The following MGAT4A variants were observed in gnomAD, a reference collection of about 807,000 sequenced individuals.
MGAT4A encodes the protein N-acetylglucosaminyltransferase IVa.
Under a neutral mutation model 74.1 loss-of-function variants are expected in MGAT4A, and 33 were observed. The observed-to-expected ratio is 0.45, with a 90% CI of 0.34 to 0.60. The LOEUF (loss-of-function observed/expected upper bound fraction) is 0.60. Among genes scored for constraint, MGAT4A ranks in the 20% least tolerant of loss-of-function variants. The pLI is 0.02. For synonymous variants in MGAT4A, 198 were observed against 210.4 expected (o/e 0.94, Z 0.51); for missense variants, 479 against 628.3 (o/e 0.76, Z 2.54).
chr2:98,679,400 C>T (rs1445922573), intron 2 of MGAT4A, among the ~76,000 whole-genome samples: 12 of 108,360 alleles, frequency 1.1e-4, no homozygotes, highest in Non-Finnish European at 2.0e-4. Flanking sequence ...AGCAAGACTC[C>T]GTCTCAAAAA....
At chr2:98,689,751 AG>A (rs1021381658) in intron 2 of MGAT4A, among the ~76,000 whole-genome samples, 3 of 152,198 alleles carry the variant, frequency 2.0e-5, no homozygotes, top group East Asian at 3.8e-4. Context: ...TGAGCATAGG[AG>A]GCAGAGGTTG....
chr2:98,707,427 T>A (rs895929531), intron 2 of MGAT4A, among the ~76,000 whole-genome samples: 10 of 152,178 alleles, frequency 6.6e-5, no homozygotes, highest in African/African-American at 2.4e-4. Flanking sequence ...TAAGTGCTCA[T>A]GCTCACAAAA....
At chr2:98,629,409 C>G (rs917666878) in intron 14 of MGAT4A, among the ~76,000 whole-genome samples, 29 of 152,280 alleles carry the variant, frequency 1.9e-4, no homozygotes, top group African/African-American at 7.0e-4. Context: ...ACTTGGGTAG[C>G]AGGTAGGTGC....
intron 2 of MGAT4A, among the ~76,000 whole-genome samples, chr2:98,715,192 C>T (rs1019102975): frequency 6.6e-6 from 1 of 151,772 alleles, no homozygotes; most frequent in Admixed American, 6.6e-5. Context: ...GTGGCGCATG[C>T]CTGTAATCCC....
intron 2 of MGAT4A, among the ~76,000 whole-genome samples, chr2:98,723,885 A>G (rs1187795516): frequency 1.3e-5 from 2 of 152,224 alleles, no homozygotes; most frequent in South Asian, 4.1e-4. Context: ...CCTGAATTCA[A>G]ACTTTAACTC....
At chr2:98,679,815 T>C (rs1307610761) in intron 2 of MGAT4A, among the ~76,000 whole-genome samples, 7 of 152,098 alleles carry the variant, frequency 4.6e-5, no homozygotes, top group Non-Finnish European at 1.5e-5. Flanking sequence ...GCACAAAGTG[T>C]ACAGTAGAAG....
At chr2:98,630,971 TG>T (rs1338662134) in intron 14 of MGAT4A, among the ~76,000 whole-genome samples, 1 of 152,188 alleles carries the variant, frequency 6.6e-6, no homozygotes, top group Non-Finnish European at 1.5e-5. Context: ...CCAGAGTGAC[TG>T]GAACCCCACA....
At chr2:98,635,625 T>C (rs1001829296) in intron 13 of MGAT4A, among the ~76,000 whole-genome samples, 1 of 152,172 alleles carries the variant, frequency 6.6e-6, no homozygotes, top group Non-Finnish European at 1.5e-5. Context: ...AATTAAATTG[T>C]GTATTAATTA....
intron 2 of MGAT4A, among the ~76,000 whole-genome samples, chr2:98,688,975 C>G (rs994055106): frequency 6.6e-6 from 1 of 151,884 alleles, no homozygotes; most frequent in South Asian, 2.1e-4. Context: ...TTTTATTGTC[C>G]TAAGAATTAC....
chr2:98,640,225 G>A lies in MGAT4A; in HGVS notation c.1024C>T (p.His342Tyr). The change falls in exon 11 of 16, where the codon CAT becomes TAT. Residue 342 changes from histidine (H) to tyrosine (Y), a missense_variant. Around this residue, in one of 3 missense-constraint regions of MGAT4A, gnomAD observed 236 missense variants for 308.2 expected, o/e 0.77. Coordinates refer to ENST00000393487, the MANE Select transcript of MGAT4A (RefSeq NM_012214.3). ...AGATTTGCTTTCTGTCTATCACAAT[G>A]TTTCTAAATATTAAAAAAAATCACG... The part of the protein sequence containing the change: ...KVCNPEKDAK[H>Y]CDRQKANLRI... 2 of 1,606,664 alleles carry A rather than the reference G, an allele frequency of 1.2e-6. No individual in the cohort carries two copies. The highest frequency in any genetic ancestry group is 1.1e-5 in the South Asian group (1 of 89,232).
chr2:98,711,293 C>T (rs1350311132), intron 2 of MGAT4A, among the ~76,000 whole-genome samples: 1 of 142,564 alleles, frequency 7.0e-6, no homozygotes, highest in Non-Finnish European at 1.5e-5. Flanking sequence ...ACCCAGACAA[C>T]AAGTAACCTA....
intron 14 of MGAT4A, among the ~76,000 whole-genome samples, chr2:98,633,295 G>T (rs1479999527): frequency 1.3e-5 from 2 of 152,170 alleles, no homozygotes; most frequent in African/African-American, 4.8e-5. Context: ...AAGCTGGCAG[G>T]AGAGTCCAGT....
At position 98,675,186 on chromosome 2, in the gene MGAT4A, G is replaced by A. The variant is rs761421071; in HGVS notation, c.263-11C>T. 3.2e-6 allele frequency: 5 copies of A among 1,560,098 alleles called. No homozygotes were observed. The African/African-American group carries it at 6.9e-5, about 22-fold the overall frequency. On this transcript the variant is annotated splice_polypyrimidine_tract_variant and intron_variant, in intron 3 of 15. Transcript: ENST00000393487. Reference sequence around the variant, plus strand: ...GCTTTAGGGTATTATCTGAAACACAGAAGTATAATTAATATACAAGAATTA... The same window carrying A: ...GCTTTAGGGTATTATCTGAAACACAAAAGTATAATTAATATACAAGAATTA...
rs1285388093 is a variant in MGAT4A at position 98,726,323 on chromosome 2, G to A, written c.10C>T (p.Arg4Cys). 8 of 1,613,414 alleles carry A rather than the reference G, an allele frequency of 5.0e-6. No individual in the cohort carries two copies. Among genetic ancestry groups the A allele is most frequent in the South Asian group, 3.3e-5 (3 of 91,014 alleles). MRL[R>C]NGTVATALAF... ...AAAGCAGTGGCTACAGTTCCATTGC[G>A]GAGCCTCATCTCATTTCACCATCAC... The change falls in exon 2 of 16, where the codon CGC (arginine) becomes TGC (cysteine). Residue 4 changes from arginine (R) to cysteine (C), a missense_variant. By Grantham distance (180) the Arg-to-Cys change is radical. Around this residue, in one of 3 missense-constraint regions of MGAT4A, gnomAD observed 205 missense variants for 232.7 expected, o/e 0.88. Transcript: ENST00000393487.
chr2:98,638,744 G>A (rs972126126), intron 12 of MGAT4A, among the ~76,000 whole-genome samples: 6 of 152,118 alleles, frequency 3.9e-5, no homozygotes, highest in Non-Finnish European at 5.9e-5. Context: ...ATTCCTCTTT[G>A]GAATCAGTTT....
intron 2 of MGAT4A, among the ~76,000 whole-genome samples, chr2:98,684,060 C>T (rs556707561): frequency 6.6e-6 from 1 of 152,306 alleles, no homozygotes; most frequent in East Asian, 1.9e-4. Flanking sequence ...GGAAAGCCAA[C>T]TCAGCTTTCT....
At chr2:98,691,982 A>C in intron 2 of MGAT4A, among the ~76,000 whole-genome samples, 1 of 152,360 alleles carries the variant, frequency 6.6e-6, no homozygotes, top group South Asian at 2.1e-4. Flanking sequence ...TATGAATATA[A>C]AAAACAAAAT....
intron 14 of MGAT4A, among the ~76,000 whole-genome samples, chr2:98,628,547 T>C (rs367713656): frequency 6.6e-6 from 1 of 152,346 alleles, no homozygotes; most frequent in Admixed American, 6.5e-5. Flanking sequence ...GAAATTCTGC[T>C]GTGATGAGAT....
chr2:98,723,843 T>C (rs1174060325), intron 2 of MGAT4A, among the ~76,000 whole-genome samples: 4 of 152,166 alleles, frequency 2.6e-5, no homozygotes, highest in South Asian at 2.1e-4. Flanking sequence ...AACAGACCAA[T>C]AGCTAGGAGC....
Sources: gnomAD v4.1 joint callset for allele counts (sites outside exome capture counted in the v4.1 genomes callset) on GRCh38, gnomAD v4.1.1 for gene constraint, gnomAD v4.1.1 regional missense constraint, MANE v1.5 for transcripts, NCBI Gene and HGNC (gene_info 2026-07-23, HGNC 2026-07-21) for gene names.